RANBP17: variants seen among roughly 807,000 people sequenced by gnomAD.
RANBP17 encodes RAN binding protein 17, also known as ran-binding protein 17.
RANBP17 carries 158 observed loss-of-function variants against 141.2 expected under a neutral mutation model. The observed-to-expected ratio is 1.12, with a 90% CI of 0.98 to 1.28. The LOEUF (loss-of-function observed/expected upper bound fraction) is 1.28, where lower values mean the gene tolerates loss of function less well. Ranked by LOEUF, RANBP17 falls within the 50% of genes most tolerant of loss-of-function variation. The pLI, the probability that RANBP17 is intolerant of heterozygous loss-of-function variation, is 0.00. For synonymous variants in RANBP17, 430 were observed against 450.0 expected (o/e 0.96, Z 0.56); for missense variants, 1,438 against 1,290.7 (o/e 1.11, Z -1.75).
At chr5:171,089,658 G>A (rs1398377894) in intron 14 of RANBP17, among the ~76,000 whole-genome samples, 4 of 152,146 alleles carry the variant, frequency 2.6e-5, no homozygotes, top group Admixed American at 6.5e-5. Context: ...ATATAATCTC[G>A]TGGTGCGCCG....
chr5:171,256,864 T>C (rs1482941449), intron 24 of RANBP17, among the ~76,000 whole-genome samples: 1 of 150,990 alleles, frequency 6.6e-6, no homozygotes, highest in African/African-American at 2.4e-5. Flanking sequence ...CAGGAAGAAA[T>C]AGAAGTCCTG....
intron 25 of RANBP17, among the ~76,000 whole-genome samples, chr5:171,274,152 G>A (rs1336524499): frequency 2.1e-5 from 2 of 95,988 alleles, no homozygotes; most frequent in East Asian, 2.0e-4. Context: ...GTGTGTGTGC[G>A]CGCGCGCGCG....
At chr5:171,153,349 TG>T (rs760736821) in intron 14 of RANBP17, among the ~76,000 whole-genome samples, 2 of 152,250 alleles carry the variant, frequency 1.3e-5, no homozygotes, top group Non-Finnish European at 2.9e-5. Flanking sequence ...ATGTTATTTT[TG>T]GCTAGATTAG....
chr5:171,229,398 G>GT (rs1018001730), intron 22 of RANBP17, among the ~76,000 whole-genome samples: 18 of 151,810 alleles, frequency 1.2e-4, no homozygotes, highest in South Asian at 2.1e-4. Context: ...CTTTTTTGTT[G>GT]TTTTTTTTGT....
rs137855424 is a variant in RANBP17, at chr5:171,011,285, A to G, written c.1710+42908A>G. On this transcript the variant is annotated intron_variant, in intron 14 of 27. Coordinates refer to ENST00000523189, the MANE Select transcript of RANBP17 (RefSeq NM_022897.5). Reference sequence around the variant, plus strand: ...CCATCACATAAGAATGTGAATAAATATTGATGTTATTATCCAATTTATTAT... The same window carrying G: ...CCATCACATAAGAATGTGAATAAATGTTGATGTTATTATCCAATTTATTAT... Among the ~76,000 whole-genome samples the G allele has an allele frequency of 3.3e-5, 5 of 152,182 alleles. No homozygotes were observed. In the East Asian group the frequency reaches 7.7e-4, roughly 24 times the overall value.
intron 14 of RANBP17, among the ~76,000 whole-genome samples, chr5:170,969,696 A>G (rs11134673): frequency 0.61 from 92,842 of 151,708 alleles, 29,782 homozygotes; most frequent in South Asian, 0.88. Flanking sequence ...AAATGAGACT[A>G]GTTGTTTTAG....
chr5:171,130,028 A>G (rs1376283332), intron 14 of RANBP17, among the ~76,000 whole-genome samples: 1 of 152,220 alleles, frequency 6.6e-6, no homozygotes, highest in African/African-American at 2.4e-5. Context: ...TCTACTTTTT[A>G]AAAGGAAAAT....
chr5:171,233,174 T>TA (rs977945659), intron 22 of RANBP17, among the ~76,000 whole-genome samples: 17 of 151,950 alleles, frequency 1.1e-4, no homozygotes, highest in Admixed American at 2.0e-4. Flanking sequence ...CCCGTCTCTA[T>TA]AAAAAAAATT....
At chr5:171,286,638 C>G (rs1011904561) in intron 25 of RANBP17, among the ~76,000 whole-genome samples, 1 of 152,124 alleles carries the variant, frequency 6.6e-6, no homozygotes, top group Admixed American at 6.6e-5. Context: ...AGGCGAATAG[C>G]AGACAGAGAG....
chr5:171,127,611 C>A (rs1756574179), intron 14 of RANBP17, among the ~76,000 whole-genome samples: 1 of 152,176 alleles, frequency 6.6e-6, no homozygotes, highest in African/African-American at 2.4e-5. Context: ...AAAAAATCTT[C>A]ACTATTACTA....
At chr5:171,063,680 G>C (rs1240185487) in intron 14 of RANBP17, among the ~76,000 whole-genome samples, 1 of 152,210 alleles carries the variant, frequency 6.6e-6, no homozygotes, top group African/African-American at 2.4e-5. Flanking sequence ...GAGAACCACT[G>C]CTCTCTTCAA....
chr5:171,127,747 A>G (rs2127783772), intron 14 of RANBP17, among the ~76,000 whole-genome samples: 1 of 152,364 alleles, frequency 6.6e-6, no homozygotes, highest in African/African-American at 2.4e-5. Context: ...GAACTGTCAT[A>G]CACTCTGGGG....
chr5:171,027,276 G>A (rs1781292155), intron 14 of RANBP17, among the ~76,000 whole-genome samples: 1 of 152,172 alleles, frequency 6.6e-6, no homozygotes, highest in Non-Finnish European at 1.5e-5. Flanking sequence ...GTTCCAGATT[G>A]TTAAAGATTC....
intron 25 of RANBP17, among the ~76,000 whole-genome samples, chr5:171,274,898 A>T (rs1767393596): frequency 6.6e-6 from 1 of 152,242 alleles, no homozygotes; most frequent in South Asian, 2.1e-4. Context: ...AGAAAATTTT[A>T]TTCTAAACAT....
intron 14 of RANBP17, among the ~76,000 whole-genome samples, chr5:171,068,277 T>A (rs1335373825): frequency 6.6e-6 from 1 of 152,198 alleles, no homozygotes; most frequent in Non-Finnish European, 1.5e-5. Context: ...CTATTTTTTG[T>A]TAATATTACC....
intron 23 of RANBP17, 53 bp downstream of exon 23, chr5:171,241,195 C>A (rs2127996457): frequency 2.3e-6 from 3 of 1,331,532 alleles, no homozygotes; most frequent in Non-Finnish European, 3.2e-6. Flanking sequence ...AGTAACACCA[C>A]CACAGGCCTG....
intron 14 of RANBP17, among the ~76,000 whole-genome samples, chr5:170,986,114 A>G (rs1012289639): frequency 1.3e-5 from 2 of 152,116 alleles, no homozygotes; most frequent in African/African-American, 4.8e-5. Flanking sequence ...GTTAGTTAAT[A>G]GCTTCATCTT....
At chr5:170,944,710 A>G (rs1021990660) in intron 12 of RANBP17, among the ~76,000 whole-genome samples, 1 of 152,206 alleles carries the variant, frequency 6.6e-6, no homozygotes, top group Admixed American at 6.5e-5. Flanking sequence ...AAAACAGAGT[A>G]AATATGTACT....
chr5:171,263,255 T>C (rs1296362030), intron 24 of RANBP17, among the ~76,000 whole-genome samples: 1 of 152,228 alleles, frequency 6.6e-6, no homozygotes, highest in Non-Finnish European at 1.5e-5. Flanking sequence ...CCTTCTCCTC[T>C]TCTGAGTCTA....
Sources: allele counts gnomAD v4.1 joint callset (sites outside exome capture counted in the v4.1 genomes callset), GRCh38; gene constraint gnomAD v4.1.1; transcripts MANE v1.5; gene names NCBI Gene and HGNC (gene_info 2026-07-23, HGNC 2026-07-21).